Variants in TMEM170A observed in about 807,000 individuals in gnomAD.
The protein encoded by TMEM170A is transmembrane protein 170.
In TMEM170A, 18 loss-of-function variants were observed where a neutral mutation model predicts 12.8. The ratio of observed to expected loss-of-function variants is 1.41; its 90% CI spans 0.97 to 2.09. The LOEUF (loss-of-function observed/expected upper bound fraction) is 2.09. Among genes scored for constraint, TMEM170A ranks in the 30% most tolerant of loss-of-function variants. The probability of loss-of-function intolerance (pLI) is 0.00; values close to 1 mark genes in which losing one functional copy is unlikely to be tolerated. For synonymous variants in TMEM170A, 107 were observed against 76.2 expected, an observed-to-expected ratio of 1.40 and a Z score of -2.11; for missense variants, 220 against 179.9, an observed-to-expected ratio of 1.22 and a Z score of -1.28.
At chr16:75,456,943 C>A (rs1024147604) in intron 1 of TMEM170A, among the ~76,000 whole-genome samples, 2 of 152,220 alleles carry the variant, frequency 1.3e-5, no homozygotes, top group African/African-American at 2.4e-5. Context: ...CGAGTCCTCA[C>A]GTGCCACTCC....
intron 1 of TMEM170A, among the ~76,000 whole-genome samples, chr16:75,454,154 T>C (rs1430414626): frequency 7.5e-6 from 1 of 133,704 alleles, no homozygotes; most frequent in Non-Finnish European, 1.8e-5. Flanking sequence ...AACTTTTCAT[T>C]GTGGGGGCTG....
At chr16:75,450,573 T>G (rs1299701373) in intron 2 of TMEM170A, among the ~76,000 whole-genome samples, 3 of 152,224 alleles carry the variant, frequency 2.0e-5, no homozygotes, top group Non-Finnish European at 4.4e-5. Context: ...AAATAATTCA[T>G]AACATCATGT....
chr16:75,463,800 C>T lies in TMEM170A; in HGVS notation c.133+668G>A, dbSNP rs534678781. Among the ~76,000 whole-genome samples, 280 of 152,356 alleles carry T rather than the reference C, an allele frequency of 1.8e-3. 1 individual carries two copies. Among genetic ancestry groups the T allele is most frequent in the African/African-American group, 6.5e-3 (271 of 41,576 alleles). Reference sequence around the variant, plus strand: ...TTCCTGGCATTAGAATTCTGAGCAACCCTCCTAGCAGGCCCAGCTCAAGCC... The same window carrying T: ...TTCCTGGCATTAGAATTCTGAGCAATCCTCCTAGCAGGCCCAGCTCAAGCC... On this transcript the variant is annotated intron_variant, in intron 1 of 2. Coordinates refer to ENST00000561878, the MANE Select transcript of TMEM170A (RefSeq NM_145254.3).
chr16:75,464,391 G>A (rs1005802313), intron 1 of TMEM170A, 77 bp downstream of exon 1: 16 of 1,381,320 alleles, frequency 1.2e-5, no homozygotes, highest in Middle Eastern at 4.4e-4. Flanking sequence ...CCGGGACCCC[G>A]CCCAGACTCG....
intron 2 of TMEM170A, among the ~76,000 whole-genome samples, chr16:75,450,215 C>T (rs1033214963): frequency 7.6e-5 from 11 of 145,592 alleles, no homozygotes; most frequent in African/African-American, 2.8e-4. Context: ...AAGTCAAAGA[C>T]ATAGAGGGCG....
intron 1 of TMEM170A, among the ~76,000 whole-genome samples, chr16:75,456,100 G>A (rs1408056961): frequency 6.6e-6 from 1 of 152,154 alleles, no homozygotes; most frequent in Non-Finnish European, 1.5e-5. Context: ...TAGGGGTGGA[G>A]CCAAATCCCC....
At chr16:75,449,281 C>T (rs1454173198) in intron 2 of TMEM170A, among the ~76,000 whole-genome samples, 2 of 151,870 alleles carry the variant, frequency 1.3e-5, no homozygotes, top group African/African-American at 4.8e-5. Flanking sequence ...AAGACAGAAA[C>T]AGATTTGCAA....
intron 1 of TMEM170A, among the ~76,000 whole-genome samples, chr16:75,455,670 T>A (rs1266802162): frequency 6.6e-6 from 1 of 152,110 alleles, no homozygotes; most frequent in Non-Finnish European, 1.5e-5. Flanking sequence ...CCGGGCGTGG[T>A]GGCAAATGCC....
chr16:75,452,741 T>G (rs1164346171), intron 1 of TMEM170A: 1 of 152,170 alleles, frequency 6.6e-6, no homozygotes, highest in Non-Finnish European at 1.5e-5. Context: ...GCACCCGGCC[T>G]TCAACATCAT....
intron 1 of TMEM170A, among the ~76,000 whole-genome samples, chr16:75,459,702 C>T (rs1384433889): frequency 6.6e-6 from 1 of 152,006 alleles, no homozygotes; most frequent in Non-Finnish European, 1.5e-5. Context: ...ACTAAAACTA[C>T]AAAATTTAGC....
At position 75,464,480 on chromosome 16, in the gene TMEM170A, A is replaced by G. The variant is rs1333490256; in HGVS notation, c.121T>C (p.Cys41Arg). The G allele has an allele frequency of 6.4e-7, 1 of 1,551,246 alleles. No individual in the cohort carries two copies. The highest frequency in any genetic ancestry group is 8.7e-7 in the Non-Finnish European group (1 of 1,153,322). ...GGGCGGGCCGTACCTGGGAAGGAGCAGAGGGAAGTAGAGTTGGGGCACAGG... is the reference window on the plus strand; with the variant it reads ...GGGCGGGCCGTACCTGGGAAGGAGCGGAGGGAAGTAGAGTTGGGGCACAGG... Reference protein sequence around the residue: ...GTLCPNSTSLCSFPEMWYGVF... With the variant: ...GTLCPNSTSLRSFPEMWYGVF... Residue 41 changes from cysteine to arginine, a missense_variant, in exon 1 of 3, where the codon TGC (cysteine) becomes CGC (arginine). Physicochemically the swap from Cys to Arg is radical, Grantham distance 180. Coordinates refer to ENST00000561878, the MANE Select transcript of TMEM170A (RefSeq NM_145254.3).
rs893445670 is a variant in TMEM170A, at chr16:75,446,762, A to G, written c.*796T>C. 1 of 152,242 alleles carries G rather than the reference A, an allele frequency of 6.6e-6. No individual in the cohort carries two copies. The highest frequency in any genetic ancestry group is 1.5e-5 in the Non-Finnish European group (1 of 68,040). The allele number at this position is 152,242 out of a possible 1,614,324, so 9.4% of individuals were successfully genotyped here. A position where few individuals can be genotyped will look rare whatever the true frequency, so the allele number is the denominator to read the frequency against. On this transcript the variant is annotated 3_prime_UTR_variant, in exon 3 of 3. Transcript: ENST00000561878. The stretch of plus-strand genomic sequence containing the variant: ...AAATTTCCAACTCAAGCCATTTAAT[A>G]GGGTATGTATGTTTCCAATTAAATG...
chr16:75,457,950 G>A (rs2079829507), intron 1 of TMEM170A, among the ~76,000 whole-genome samples: 1 of 152,114 alleles, frequency 6.6e-6, no homozygotes, highest in Non-Finnish European at 1.5e-5. Flanking sequence ...TTTCACATGA[G>A]GTTATTACAG....
At chr16:75,458,731 T>C (rs1393929638) in intron 1 of TMEM170A, 1 of 152,182 alleles carries the variant, frequency 6.6e-6, no homozygotes, top group Non-Finnish European at 1.5e-5. Context: ...TTAATTACAG[T>C]AGCAATAGCA....
At chr16:75,463,996 G>A (rs998093079) in intron 1 of TMEM170A, among the ~76,000 whole-genome samples, 5 of 152,240 alleles carry the variant, frequency 3.3e-5, no homozygotes, top group Non-Finnish European at 7.3e-5. Flanking sequence ...GAGCGCCTGC[G>A]CGGAGGGGCC....
At chr16:75,458,638 A>C (rs1425252237) in intron 1 of TMEM170A, 2 of 152,224 alleles carry the variant, frequency 1.3e-5, no homozygotes, top group Non-Finnish European at 2.9e-5. Flanking sequence ...GTTTTAGCCC[A>C]CACACACCCA....
chr16:75,451,612 C>T (rs2079683449), intron 2 of TMEM170A, 57 bp downstream of exon 2: 1 of 1,570,400 alleles, frequency 6.4e-7, no homozygotes, highest in Non-Finnish European at 8.8e-7. Context: ...AGAATAGGTC[C>T]TGAAATTGAC....
chr16:75,457,260 G>A (rs1421293336), intron 1 of TMEM170A, among the ~76,000 whole-genome samples: 1 of 152,194 alleles, frequency 6.6e-6, no homozygotes, highest in Non-Finnish European at 1.5e-5. Flanking sequence ...CCTTGAACTG[G>A]GAGGCAAAGC....
At chr16:75,464,196 G>T (rs1019002252) in intron 1 of TMEM170A, 3 of 1,503,028 alleles carry the variant, frequency 2.0e-6, no homozygotes, top group Non-Finnish European at 2.7e-6. Context: ...AGACCCGCTC[G>T]GGTGGCGGCC....
Sources: allele counts gnomAD v4.1 joint callset (sites outside exome capture counted in the v4.1 genomes callset), GRCh38; gene constraint gnomAD v4.1.1; transcripts MANE v1.5; gene names NCBI Gene and HGNC (gene_info 2026-07-23, HGNC 2026-07-21).